The following NUBP2 variants were observed in gnomAD, a reference collection of about 807,000 sequenced individuals.
NUBP2 encodes the protein NUBP iron-sulfur cluster assembly factor 2, cytosolic, also known as cytosolic Fe-S cluster assembly factor NUBP2.
A neutral mutation model predicts 24.9 loss-of-function variants in NUBP2; 23 were observed. That is an observed-to-expected ratio of 0.92 (90% CI 0.66 to 1.31). The LOEUF (loss-of-function observed/expected upper bound fraction) is 1.31. NUBP2 is among the 50% of genes most tolerant of loss of function. NUBP2 has a pLI of 0.00. For missense variants in NUBP2, 403 were observed against 386.5 expected (o/e 1.04, Z -0.36); for synonymous variants, 186 against 170.9 (o/e 1.09, Z -0.69).
intron 1 of NUBP2, 94 bp from the exon 2 acceptor site, chr16:1,786,443 C>T: frequency 3.6e-6 from 4 of 1,114,652 alleles, no homozygotes; most frequent in Non-Finnish European, 5.2e-6. Flanking sequence ...CTGCCCCGCT[C>T]AGAACGTGGG....
chr16:1,788,929 A>T lies in NUBP2; in HGVS notation c.*215A>T. 1.7e-6 allele frequency: 1 copy of T among 589,826 alleles called. No homozygotes were observed. The highest frequency in any genetic ancestry group is 2.8e-6 in the Non-Finnish European group (1 of 353,656). The allele number at this position is 589,826 out of a possible 1,614,324, so 36.5% of individuals were successfully genotyped here. A position where few individuals can be genotyped will look rare whatever the true frequency, so the allele number is the denominator to read the frequency against. The stretch of plus-strand genomic sequence containing the variant: ...CAGTGCCGTGGTCTGCGTGCTCTGC[A>T]GCTGTGAGACGGGGGCGGCCTGGGC... On this transcript the variant is annotated 3_prime_UTR_variant, in exon 7 of 7. Coordinates refer to ENST00000262302, the MANE Select transcript of NUBP2 (RefSeq NM_012225.4).
chr16:1,783,879 G>A (rs1896839335), intron 1 of NUBP2: 1 of 278,274 alleles, frequency 3.6e-6, no homozygotes, highest in Admixed American at 6.5e-5. Flanking sequence ...ATTTTTAGTA[G>A]AGACGGGGTT....
rs1466489249 is a variant in NUBP2, at chr16:1,782,969, A to T, written c.-52A>T. On this transcript the variant is annotated 5_prime_UTR_variant, in exon 1 of 7. Transcript: ENST00000262302. ...GCCCTTCGCTCTAGCTGGGAGGCTGACGGCCCGCGGGCGTAAGCGGACTGC... is the reference window on the plus strand; with the variant it reads ...GCCCTTCGCTCTAGCTGGGAGGCTGTCGGCCCGCGGGCGTAAGCGGACTGC... The T allele has an allele frequency of 3.5e-5, 49 of 1,412,212 alleles. No individual in the cohort carries two copies. Among genetic ancestry groups the T allele is most frequent in the Non-Finnish European group, 4.4e-5 (48 of 1,082,304 alleles). The allele number at this position is 1,412,212 out of a possible 1,614,324, so 87.5% of individuals were successfully genotyped here.
intron 1 of NUBP2, 64 bp from the exon 2 acceptor site, chr16:1,786,473 C>G: frequency 1.4e-6 from 2 of 1,401,038 alleles, no homozygotes; most frequent in Non-Finnish European, 2.0e-6. Flanking sequence ...CAGTGGGTGA[C>G]CCCGCGTGTG....
intron 1 of NUBP2, chr16:1,784,644 G>A (rs1896878418): frequency 1.3e-5 from 2 of 151,952 alleles, no homozygotes; most frequent in African/African-American, 4.8e-5. Flanking sequence ...GACCTCAGGT[G>A]ATCCACCCAC....
rs34361179 is a variant in NUBP2 at position 1,788,744 on chromosome 16, G to C, written c.*30G>C. On this transcript the variant is annotated 3_prime_UTR_variant, in exon 7 of 7. Coordinates refer to ENST00000262302, the MANE Select transcript of NUBP2 (RefSeq NM_012225.4). ...GGCCACCTTGCAGCCGCTTTCCAGG[G>C]CCACCAAGGGCTCTGCTCCAGCCTC... 88 of 1,594,204 alleles carry C rather than the reference G, an allele frequency of 5.5e-5. 1 individual carries two copies. The African/African-American group carries it at 9.1e-4, about 16-fold the overall frequency.
chr16:1,787,929 C>T lies in NUBP2; in HGVS notation c.490-12C>T. 6.2e-7 allele frequency: 1 copy of T among 1,603,932 alleles called. No individual in the cohort carries two copies. ...CGCCTGGCTGACCGTGGCCTCGGCT[C>T]CTGCCCCGCAGGCGGTGTCCGTGGG... On this transcript the variant is annotated splice_polypyrimidine_tract_variant and intron_variant, in intron 4 of 6. Coordinates refer to ENST00000262302, the MANE Select transcript of NUBP2 (RefSeq NM_012225.4).
Position 1,788,654 on chromosome 16 carries a change from C to T in NUBP2, c.756C>T (p.Phe252=), listed in dbSNP as rs745377282. Residue 252 remains phenylalanine (F), a synonymous_variant, in exon 7 of 7, where the codon TTC becomes TTT. Coordinates refer to ENST00000262302, the MANE Select transcript of NUBP2 (RefSeq NM_012225.4). ...AGGAGTTCCCTGGGAGCCCCGCCTTCGCTGCACTCACCTCCATAGCCCAGA... is the reference window on the plus strand; with the variant it reads ...AGGAGTTCCCTGGGAGCCCCGCCTTTGCTGCACTCACCTCCATAGCCCAGA... ...FIQEFPGSPA[F]AALTSIAQKI... 1.3e-5 allele frequency: 21 copies of T among 1,612,148 alleles called. No homozygotes were observed. The Middle Eastern group carries it at 1.5e-3, about 114-fold the overall frequency.
rs924542754 is a variant in NUBP2 at position 1,788,470 on chromosome 16, C to G, written c.671-99C>G. ...GGAAATCGTCTGGCAGCGCCTCAAT[C>G]CCCTCTAAGGCCACGGGTGGTTCGG... On this transcript the variant is annotated intron_variant, in intron 6 of 6. Transcript: ENST00000262302. 13 of 1,419,994 alleles carry G rather than the reference C, an allele frequency of 9.2e-6. No homozygotes were observed. In the African/African-American group the frequency reaches 1.4e-4, roughly 16 times the overall value. The allele number at this position is 1,419,994 out of a possible 1,614,324, so 88.0% of individuals were successfully genotyped here. A position where few individuals can be genotyped will look rare whatever the true frequency, so the allele number is the denominator to read the frequency against.
At position 1,788,670 on chromosome 16, in the gene NUBP2, A is replaced by G. The variant is rs771277120; in HGVS notation, c.772A>G (p.Ile258Val). The change falls in exon 7 of 7, where the codon ATA becomes GTA. Residue 258 changes from isoleucine (I) to valine (V), a missense_variant. By Grantham distance (29) the Ile-to-Val change is conservative. Transcript: ENST00000262302. The stretch of plus-strand genomic sequence containing the variant: ...CCCCGCCTTCGCTGCACTCACCTCC[A>G]TAGCCCAGAAGATTCTGGACGCGAC... ...GSPAFAALTSIAQKILDATPA... is the reference protein window; with the variant it reads ...GSPAFAALTSVAQKILDATPA... The G allele has an allele frequency of 3.7e-6, 6 of 1,612,472 alleles. No homozygotes were observed. The South Asian group carries it at 5.5e-5, about 15-fold the overall frequency.
chr16:1,787,326 G>C (rs896725820), intron 3 of NUBP2: 15 of 433,568 alleles, frequency 3.5e-5, no homozygotes, highest in Admixed American at 1.2e-4. Flanking sequence ...GGCGCAGGCT[G>C]TGGGTGCACC....
At chr16:1,787,642 C>T (rs1171255924) in intron 3 of NUBP2, 35 bp from the exon 4 acceptor site, 1 of 1,607,660 alleles carries the variant, frequency 6.2e-7, no homozygotes, top group South Asian at 1.1e-5. Flanking sequence ...CAGACCTGCC[C>T]TGCCCTGACC....
Position 1,786,968 on chromosome 16 carries a change from C to A in NUBP2, c.334+13C>A. The A allele has an allele frequency of 1.3e-6, 2 of 1,507,694 alleles. No individual in the cohort carries two copies. The highest frequency in any genetic ancestry group is 1.8e-6 in the Non-Finnish European group (2 of 1,127,510). The allele number at this position is 1,507,694 out of a possible 1,614,324, so 93.4% of individuals were successfully genotyped here. On this transcript the variant is annotated intron_variant, in intron 3 of 6. Coordinates refer to ENST00000262302, the MANE Select transcript of NUBP2 (RefSeq NM_012225.4). ...CCCAAGAAAAACGGTAACGGCCGGG[C>A]GGCGCGTCCGCCGTCCTGGTGAAGG...
At chr16:1,783,102 C>T in intron 1 of NUBP2, 66 bp downstream of exon 1, 1 of 1,223,078 alleles carries the variant, frequency 8.2e-7, no homozygotes, top group Non-Finnish European at 1.0e-6. Flanking sequence ...GCGTCCCTTC[C>T]CGGGGCGGCC....
chr16:1,785,992 G>A lies in NUBP2; in HGVS notation c.17-545G>A. ...GGATGGGACCCTGGAAGGAAGAGGA[G>A]CTGGAGCTGTGCTGGAAGCAGCCGG... On this transcript the variant is annotated intron_variant, in intron 1 of 6. Transcript: ENST00000262302. The A allele has an allele frequency of 3.3e-6, 4 of 1,198,918 alleles. No homozygotes were observed. The South Asian group carries it at 4.5e-5, about 13-fold the overall frequency. 74.3% of individuals were successfully genotyped at this position (1,198,918 alleles called of 1,614,324 possible).
intron 6 of NUBP2, 27 bp downstream of exon 6, chr16:1,788,234 T>G: frequency 2.1e-6 from 3 of 1,449,806 alleles, no homozygotes; most frequent in Non-Finnish European, 2.7e-6. Context: ...GGTGCTGGGG[T>G]CGCGGCCTCC....
rs754942253 is a variant in NUBP2 at position 1,787,765 on chromosome 16, C to T, written c.423C>T (p.His141=). ...CGCCCCCGGGGACCTCCGATGAGCA[C>T]ATGGCCACCATAGAAGCCCTGCGTC... ...VDTPPGTSDE[H]MATIEALRPY... is the part of the protein sequence containing the mutation. The change falls in exon 4 of 7, where the codon CAC becomes CAT. Residue 141 remains histidine, a synonymous_variant. Transcript: ENST00000262302. The T allele has an allele frequency of 6.2e-7, 1 of 1,612,592 alleles. No homozygotes were observed. Among genetic ancestry groups the T allele is most frequent in the Admixed American group, 1.7e-5 (1 of 60,028 alleles).
intron 3 of NUBP2, 52 bp from the exon 4 acceptor site, chr16:1,787,625 A>G (rs1374732912): frequency 1.9e-6 from 3 of 1,591,546 alleles, no homozygotes; most frequent in Non-Finnish European, 2.6e-6. Flanking sequence ...GCGCAGGGCC[A>G]CGTGTGCAGA....
chr16:1,788,127 C>G lies in NUBP2; in HGVS notation c.601-11C>G, dbSNP rs1596878465. 1 of 1,550,040 alleles carries G rather than the reference C, an allele frequency of 6.5e-7. No individual in the cohort carries two copies. Among genetic ancestry groups the G allele is most frequent in the South Asian group, 1.2e-5 (1 of 82,076 alleles). On this transcript the variant is annotated splice_polypyrimidine_tract_variant and intron_variant, in intron 5 of 6. Transcript: ENST00000262302. ...GCTTTGGGCAGTGCTGGGCTCACCACCGTCTCCTAGGAGTGCACCAGCGTC... is the reference window on the plus strand; with the variant it reads ...GCTTTGGGCAGTGCTGGGCTCACCAGCGTCTCCTAGGAGTGCACCAGCGTC...
Sources: gnomAD v4.1 joint callset for allele counts on GRCh38, gnomAD v4.1.1 for gene constraint, MANE v1.5 for transcripts, NCBI Gene and HGNC (gene_info 2026-07-23, HGNC 2026-07-21) for gene names.